SPTLC3: variants seen among roughly 807,000 people sequenced by gnomAD.
SPTLC3 encodes serine palmitoyltransferase 3.
SPTLC3 carries 36 observed loss-of-function variants against 59.3 expected under a neutral mutation model. The observed-to-expected ratio is 0.61, with a 90% CI of 0.47 to 0.80. The LOEUF (loss-of-function observed/expected upper bound fraction) is 0.80, where lower values mean the gene tolerates loss of function less well. SPTLC3 is among the 30% of genes least tolerant of loss of function. The pLI, the probability that SPTLC3 is intolerant of heterozygous loss-of-function variation, is 0.00. For synonymous variants in SPTLC3, 257 were observed against 240.8 expected (o/e 1.07, Z -0.62); for missense variants, 625 against 685.1 (o/e 0.91, Z 0.98).
In SPTLC3 at chr20:13,169,036, G is replaced by A. The variant is rs543913575; in HGVS notation, c.*4169G>A. ...TATGTTTCACTGAAACATTTGAAACGACCAATTTCACTTTATTGTGCCTGT... is the reference window on the plus strand; with the variant it reads ...TATGTTTCACTGAAACATTTGAAACAACCAATTTCACTTTATTGTGCCTGT... On this transcript the variant is annotated 3_prime_UTR_variant, in exon 12 of 12. Transcript: ENST00000399002. 3.3e-5 allele frequency: 5 copies of A among 151,958 alleles called. No homozygotes were observed. The highest frequency in any genetic ancestry group is 4.2e-4 in the South Asian group (2 of 4,808). The allele number at this position is 151,958 out of a possible 1,614,324, so 9.4% of individuals were successfully genotyped here. A position where few individuals can be genotyped will look rare whatever the true frequency, so the allele number is the denominator to read the frequency against.
At chr20:13,094,578 G>A (rs771337555) in intron 6 of SPTLC3, among the ~76,000 whole-genome samples, 3 of 152,136 alleles carry the variant, frequency 2.0e-5, no homozygotes, top group Non-Finnish European at 2.9e-5. Flanking sequence ...GAAGGCTGAC[G>A]GAGAACTGAG....
intron 1 of SPTLC3, among the ~76,000 whole-genome samples, chr20:13,020,355 A>AAAAGG: frequency 6.7e-6 from 1 of 149,158 alleles, no homozygotes; most frequent in South Asian, 2.1e-4. Flanking sequence ...CTTAAAAAAA[A>AAAAGG]AAAAGAAAAA....
intron 1 of SPTLC3, among the ~76,000 whole-genome samples, chr20:13,025,660 C>T (rs979681047): frequency 7.2e-5 from 11 of 152,136 alleles, no homozygotes; most frequent in African/African-American, 1.4e-4. Flanking sequence ...CCCTCTCTGC[C>T]CCTTCTTTGG....
chr20:13,117,879 G>T (rs1990654766), intron 8 of SPTLC3, among the ~76,000 whole-genome samples, 154 bp downstream of exon 8: 1 of 152,144 alleles, frequency 6.6e-6, no homozygotes, highest in South Asian at 2.1e-4. Context: ...AGCCAGATAA[G>T]GCCCAGAATA....
intron 2 of SPTLC3, among the ~76,000 whole-genome samples, chr20:13,068,802 G>A (rs1988330719): frequency 6.6e-6 from 1 of 151,028 alleles, no homozygotes; most frequent in Admixed American, 6.6e-5. Flanking sequence ...TTGCAGGGGA[G>A]TTGCAAGTAC....
At position 13,074,335 on chromosome 20, in the gene SPTLC3, A is replaced by G. The variant is rs1187767083; in HGVS notation, c.459-14A>G. 6.2e-7 allele frequency: 1 copy of G among 1,612,886 alleles called. No individual in the cohort carries two copies. The highest frequency in any genetic ancestry group is 8.5e-7 in the Non-Finnish European group (1 of 1,179,328). On this transcript the variant is annotated splice_polypyrimidine_tract_variant and intron_variant, in intron 3 of 11. Transcript: ENST00000399002. ...GGGAGGGGATTATGTGCTCATTTAC[A>G]TGTTTCCCCACAGGTTTACTGGAAG...
At chr20:13,129,832 T>C (rs773972515) in intron 9 of SPTLC3, among the ~76,000 whole-genome samples, 1 of 152,218 alleles carries the variant, frequency 6.6e-6, no homozygotes, top group Non-Finnish European at 1.5e-5. Flanking sequence ...AGGTAGTAGA[T>C]ATTTCCCTTG....
At chr20:13,132,513 T>C (rs756922341) in intron 9 of SPTLC3, among the ~76,000 whole-genome samples, 7 of 152,086 alleles carry the variant, frequency 4.6e-5, no homozygotes, top group African/African-American at 1.4e-4. Context: ...ACCTGAGAAA[T>C]TGTATATGTA....
At chr20:13,087,728 G>A (rs748196890) in intron 4 of SPTLC3, among the ~76,000 whole-genome samples, 9 of 152,184 alleles carry the variant, frequency 5.9e-5, no homozygotes, top group African/African-American at 2.4e-5. Context: ...GGAAGTCATG[G>A]CATCTCACAC....
intron 3 of SPTLC3, among the ~76,000 whole-genome samples, chr20:13,073,084 G>A (rs916082228): frequency 1.3e-5 from 2 of 151,912 alleles, no homozygotes; most frequent in Non-Finnish European, 2.9e-5. Flanking sequence ...TTTTCTTCTA[G>A]CTATTTTGAA....
intron 7 of SPTLC3, among the ~76,000 whole-genome samples, chr20:13,115,626 T>C (rs1990493775): frequency 6.6e-6 from 1 of 152,182 alleles, no homozygotes; most frequent in African/African-American, 2.4e-5. Flanking sequence ...TTATTATGTA[T>C]GACATCCAGC....
intron 6 of SPTLC3, among the ~76,000 whole-genome samples, chr20:13,107,420 G>C (rs1178005787): frequency 6.6e-6 from 1 of 152,190 alleles, no homozygotes; most frequent in African/African-American, 2.4e-5. Flanking sequence ...TGTCCAGATG[G>C]CAGAGGGAAG....
In SPTLC3 at chr20:13,058,868, A is replaced by T. The variant is rs187167707; in HGVS notation, c.303+9738A>T. Among the ~76,000 whole-genome samples the T allele has an allele frequency of 4.1e-4, 63 of 152,294 alleles. 2 individuals are homozygous for T. The highest frequency in any genetic ancestry group is 3.3e-3 in the South Asian group (16 of 4,826). ...TCTGCTCATCACACGACACCCAATAAGTTGACAGACATGGAGTTGGAGCAA... is the reference window on the plus strand; with the variant it reads ...TCTGCTCATCACACGACACCCAATATGTTGACAGACATGGAGTTGGAGCAA... On this transcript the variant is annotated intron_variant, in intron 2 of 11. Coordinates refer to ENST00000399002, the MANE Select transcript of SPTLC3 (RefSeq NM_018327.4).
chr20:13,058,472 G>A (rs1485328986), intron 2 of SPTLC3, among the ~76,000 whole-genome samples: 2 of 152,160 alleles, frequency 1.3e-5, no homozygotes, highest in Non-Finnish European at 2.9e-5. Context: ...TGCAGACTTG[G>A]CTACCCATTG....
Position 13,117,493 on chromosome 20 carries a change from CCTT to C in SPTLC3, c.933-10_933-8del. The C allele has an allele frequency of 1.3e-6, 2 of 1,561,578 alleles. No individual in the cohort carries two copies. Among genetic ancestry groups the C allele is most frequent in the Non-Finnish European group, 1.7e-6 (2 of 1,154,478 alleles). On this transcript the variant is annotated splice_polypyrimidine_tract_variant and intron_variant, in intron 7 of 11. Transcript: ENST00000399002. ...GTATTTGTTAGTTATGAGCATTTCTCCTTCTGCCCTAGCATGGAAGGTTCCATC... is the reference window on the plus strand; with the variant it reads ...GTATTTGTTAGTTATGAGCATTTCTCCTGCCCTAGCATGGAAGGTTCCATC...
At chr20:13,027,212 T>C (rs1986192522) in intron 1 of SPTLC3, among the ~76,000 whole-genome samples, 1 of 152,196 alleles carries the variant, frequency 6.6e-6, no homozygotes, top group Non-Finnish European at 1.5e-5. Flanking sequence ...GAACCCAAAA[T>C]TAAGACAGTG....
At chr20:13,125,700 C>T (rs1370668729) in intron 8 of SPTLC3, among the ~76,000 whole-genome samples, 2 of 152,200 alleles carry the variant, frequency 1.3e-5, no homozygotes, top group Admixed American at 1.3e-4. Context: ...TTGTCATCCT[C>T]CAGCAAGCTA....
At chr20:13,047,940 C>T (rs1359474715) in intron 1 of SPTLC3, among the ~76,000 whole-genome samples, 7 of 152,174 alleles carry the variant, frequency 4.6e-5, no homozygotes, top group African/African-American at 1.4e-4. Context: ...CCCCTTAATA[C>T]TTCAGCATGC....
intron 2 of SPTLC3, among the ~76,000 whole-genome samples, chr20:13,068,280 G>A (rs772561165): frequency 7.9e-5 from 12 of 151,992 alleles, no homozygotes; most frequent in Non-Finnish European, 1.6e-4. Flanking sequence ...TGTCCTTATG[G>A]CCTGGTATTT....
Sources: allele counts gnomAD v4.1 joint callset (sites outside exome capture counted in the v4.1 genomes callset), GRCh38; gene constraint gnomAD v4.1.1; transcripts MANE v1.5; gene names NCBI Gene and HGNC (gene_info 2026-07-23, HGNC 2026-07-21).